SLC28A1: variants seen among roughly 807,000 people sequenced by gnomAD.
The protein encoded by SLC28A1 is solute carrier family 28 member 1, also known as sodium/nucleoside cotransporter 1.
Under a neutral mutation model 74.8 loss-of-function variants are expected in SLC28A1, and 64 were observed. The observed-to-expected ratio is 0.86, with a 90% CI of 0.70 to 1.05. SLC28A1 has a LOEUF of 1.05. Among genes scored for constraint, SLC28A1 ranks in the 50% least tolerant of loss-of-function variants. The probability of loss-of-function intolerance (pLI) is 0.00; values close to 1 mark genes in which losing one functional copy is unlikely to be tolerated. For synonymous variants in SLC28A1, 359 were observed against 335.0 expected (o/e 1.07, Z -0.78); for missense variants, 828 against 822.8 (o/e 1.01, Z -0.08).
chr15:84,925,938 G>A lies in SLC28A1; in HGVS notation c.1083+1828G>A, dbSNP rs570799117. On this transcript the variant is annotated intron_variant, in intron 12 of 18. Coordinates refer to ENST00000394573, the MANE Select transcript of SLC28A1 (RefSeq NM_004213.5). ...CTTTACGTGCCCCCAAATGGCAAGT[G>A]TGTGGTACTCACCCACTCATGGTAA... Among the ~76,000 whole-genome samples the A allele has an allele frequency of 4.6e-5, 7 of 151,874 alleles. No individual in the cohort carries two copies. In the East Asian group the frequency reaches 1.2e-3, roughly 25 times the overall value.
intron 9 of SLC28A1, among the ~76,000 whole-genome samples, chr15:84,913,461 A>C (rs886615642): frequency 6.6e-6 from 1 of 152,184 alleles, no homozygotes; most frequent in Admixed American, 6.5e-5. Flanking sequence ...CAGAGCGTCT[A>C]ATCTAGTCTC....
At chr15:84,935,573 C>T (rs903278127) in intron 15 of SLC28A1, 55 bp downstream of exon 15, 1 of 1,482,322 alleles carries the variant, frequency 6.7e-7, no homozygotes, top group Admixed American at 1.7e-5. Flanking sequence ...ACAGCCACTC[C>T]TCAGGGCCCC....
intron 2 of SLC28A1, among the ~76,000 whole-genome samples, chr15:84,887,185 C>T (rs1964694494): frequency 6.6e-6 from 1 of 152,220 alleles, no homozygotes. Flanking sequence ...AAGTAGAATA[C>T]ACTGAAGATC....
At chr15:84,963,833 T>C in the SLC28A1 span, among the ~76,000 whole-genome samples, 1 of 152,110 alleles carries the variant, frequency 6.6e-6, no homozygotes, top group Non-Finnish European at 1.5e-5. Flanking sequence ...TGACCCCCTA[T>C]TTCACCTCTA....
the SLC28A1 span, among the ~76,000 whole-genome samples, chr15:84,951,956 C>T: frequency 6.6e-6 from 1 of 152,196 alleles, no homozygotes; most frequent in East Asian, 1.9e-4. Flanking sequence ...GCAAGGGAGG[C>T]TCACAGCAGT....
At chr15:84,940,075 G>T (rs1055624104) in intron 15 of SLC28A1, among the ~76,000 whole-genome samples, 5 of 152,122 alleles carry the variant, frequency 3.3e-5, no homozygotes, top group African/African-American at 4.8e-5. Flanking sequence ...CAATCCTTCT[G>T]CCCTGGCCTC....
At chr15:84,894,511 T>C (rs923139669) in intron 5 of SLC28A1, among the ~76,000 whole-genome samples, 2 of 152,162 alleles carry the variant, frequency 1.3e-5, no homozygotes, top group Non-Finnish European at 2.9e-5. Context: ...AGCATGCTCA[T>C]TGATGAACAT....
chr15:84,950,969 T>C, the SLC28A1 span, among the ~76,000 whole-genome samples: 1 of 152,108 alleles, frequency 6.6e-6, no homozygotes, highest in East Asian at 1.9e-4. Context: ...ATAAAGCCTG[T>C]TTACAAAAAC....
chr15:84,895,777 G>T lies in SLC28A1; in HGVS notation c.461+654G>T. On this transcript the variant is annotated intron_variant, in intron 6 of 18. Transcript: ENST00000394573. ...GCTGGGGGAAAAAAACAGTTTCTAT[G>T]GCTTAAAAAAAAGTCTGAAGACCAC... 5 of 1,187,672 alleles carry T rather than the reference G, an allele frequency of 4.2e-6. No homozygotes were observed. The South Asian group carries it at 6.2e-5, about 15-fold the overall frequency. The allele number at this position is 1,187,672 out of a possible 1,614,324, so 73.6% of individuals were successfully genotyped here. A position where few individuals can be genotyped will look rare whatever the true frequency, so the allele number is the denominator to read the frequency against.
chr15:84,905,480 C>T (rs114148962), intron 7 of SLC28A1, 59 bp from the exon 8 acceptor site: 38 of 1,221,668 alleles, frequency 3.1e-5, no homozygotes, highest in Admixed American at 2.7e-4. Context: ...CACCCCCACC[C>T]GGCTCCCTGC....
chr15:84,896,669 A>G (rs1966034613), intron 6 of SLC28A1, among the ~76,000 whole-genome samples: 1 of 152,158 alleles, frequency 6.6e-6, no homozygotes, highest in Non-Finnish European at 1.5e-5. Context: ...AAAATTAGCC[A>G]GGCATGGTGT....
At chr15:84,923,218 G>C (rs556650750) in intron 11 of SLC28A1, among the ~76,000 whole-genome samples, 69 of 152,176 alleles carry the variant, frequency 4.5e-4, no homozygotes, top group Non-Finnish European at 8.8e-4. Flanking sequence ...GATTGCAGGC[G>C]TGAGCCACTG....
At chr15:84,912,704 C>A (rs1223934588) in intron 9 of SLC28A1, among the ~76,000 whole-genome samples, 1 of 151,922 alleles carries the variant, frequency 6.6e-6, no homozygotes, top group Non-Finnish European at 1.5e-5. Flanking sequence ...CTGGAGGAAC[C>A]CCTAGGGTCA....
chr15:84,898,543 C>T (rs113705745), intron 6 of SLC28A1, among the ~76,000 whole-genome samples: 16,209 of 149,780 alleles, frequency 0.11, 1,000 homozygotes, highest in Non-Finnish European at 0.14. Flanking sequence ...CTCGCCACTG[C>T]ACTCCAGCCT....
intron 6 of SLC28A1, among the ~76,000 whole-genome samples, chr15:84,903,051 C>CTTATAA (rs1567134148): frequency 1.3e-5 from 2 of 152,136 alleles, no homozygotes; most frequent in Non-Finnish European, 1.5e-5. Context: ...CTTATAAAGT[C>CTTATAA]AGTTAACCTC....
At chr15:84,934,776 AAC>A (rs1971686769) in intron 13 of SLC28A1, among the ~76,000 whole-genome samples, 1 of 152,212 alleles carries the variant, frequency 6.6e-6, no homozygotes, top group Non-Finnish European at 1.5e-5. Flanking sequence ...TATTTTGTAC[AAC>A]ACAACTCAAT....
intron 6 of SLC28A1, among the ~76,000 whole-genome samples, chr15:84,900,804 A>G (rs1269114944): frequency 6.6e-6 from 1 of 151,592 alleles, no homozygotes; most frequent in Non-Finnish European, 1.5e-5. Flanking sequence ...AACAAAGCAG[A>G]CCCTGCCTCA....
intron 4 of SLC28A1, among the ~76,000 whole-genome samples, chr15:84,889,689 CTTCTTTCCTTCCTTCCTTCT>C (rs1234528076): frequency 1.4e-3 from 168 of 121,530 alleles, no homozygotes; most frequent in African/African-American, 3.6e-3. Flanking sequence ...TCCTTCCTTC[CTTCTTTCCTTCCTTCCTTCT>C]TTCCTTCCTT....
At chr15:84,922,906 C>A (rs1399351339) in intron 11 of SLC28A1, among the ~76,000 whole-genome samples, 1 of 152,224 alleles carries the variant, frequency 6.6e-6, no homozygotes, top group Admixed American at 6.5e-5. Context: ...AATGTCACCT[C>A]CTCAGAGAGG....
Sources: allele counts gnomAD v4.1 joint callset (sites outside exome capture counted in the v4.1 genomes callset), GRCh38; gene constraint gnomAD v4.1.1; transcripts MANE v1.5; gene names NCBI Gene and HGNC (gene_info 2026-07-23, HGNC 2026-07-21).